The following C8B variants were observed in gnomAD, a reference collection of about 807,000 sequenced individuals.
C8B encodes the protein complement C8 beta chain, also known as complement component C8 beta chain.
Under a neutral mutation model 64.6 loss-of-function variants are expected in C8B, and 67 were observed. That is an observed-to-expected ratio of 1.04 (90% confidence interval 0.85 to 1.27). The LOEUF is 1.27. C8B is among the 50% of genes most tolerant of loss of function. The pLI is 0.00. For missense variants in C8B, 790 were observed against 725.2 expected (o/e 1.09, Z -1.03); for synonymous variants, 284 against 257.7 (o/e 1.10, Z -0.98).
Position 56,940,949 on chromosome 1 carries a change from T to G in C8B, c.1298A>C (p.Glu433Ala), listed in dbSNP as rs1297535859. Residue 433 changes from glutamate to alanine, a missense_variant, in exon 9 of 12, where the codon GAG becomes GCG. Physicochemically the swap from Glu to Ala is moderately radical, Grantham distance 107. Coordinates refer to ENST00000371237, the MANE Select transcript of C8B (RefSeq NM_000066.4). The part of the protein sequence containing the change: ...LVVLVRGGAS[E>A]HITTLAYQEL... Reference sequence around the variant, plus strand: ...CTGGTATGCCAGGGTGGTGATGTGCTCACTTGCCCCTCCTCGTACCAGGAC... The same window carrying G: ...CTGGTATGCCAGGGTGGTGATGTGCGCACTTGCCCCTCCTCGTACCAGGAC... 33 of 1,614,120 alleles carry G rather than the reference T, an allele frequency of 2.0e-5. No homozygotes were observed. Among genetic ancestry groups the G allele is most frequent in the Non-Finnish European group, 2.7e-5 (32 of 1,180,014 alleles).
In C8B at chr1:56,945,997, C is replaced by T. The variant is rs760664100; in HGVS notation, c.929G>A (p.Ser310Asn). Residue 310 changes from serine to asparagine, a missense_variant, in exon 7 of 12, where the codon AGC becomes AAC. Physicochemically the swap from Ser to Asn is conservative, Grantham distance 46. Coordinates refer to ENST00000371237, the MANE Select transcript of C8B (RefSeq NM_000066.4). ...EVAHYKLKPRSLMLHYEFLQR... is the reference protein window; with the variant it reads ...EVAHYKLKPRNLMLHYEFLQR... ...AAGGAACTCGTAATGGAGCATGAGG[C>T]TTCTGGGTTTCAGCTTGTAATGTGC... The T allele has an allele frequency of 1.5e-5, 24 of 1,614,130 alleles. No individual in the cohort carries two copies. Among genetic ancestry groups the T allele is most frequent in the Non-Finnish European group, 1.9e-5 (23 of 1,180,000 alleles).
At chr1:56,939,006 A>G (rs1644813072) in intron 9 of C8B, among the ~76,000 whole-genome samples, 1 of 152,194 alleles carries the variant, frequency 6.6e-6, no homozygotes, top group Non-Finnish European at 1.5e-5. Context: ...TACTCCTGCA[A>G]CACTCCCAAA....
intron 9 of C8B, 131 bp downstream of exon 9, chr1:56,940,718 C>G (rs1644838856): frequency 3.3e-6 from 3 of 918,272 alleles, no homozygotes; most frequent in Non-Finnish European, 5.3e-6. Context: ...ATATTTTCTA[C>G]TATCGTATAT....
rs963090908 is a variant in C8B at position 56,952,193 on chromosome 1, G to C, written c.534-13C>G. ...GAACAAATTTATCCTGTGAGGAAGA[G>C]ACAGAGATGGCGAAGAGGTTAAAGT... On this transcript the variant is annotated splice_polypyrimidine_tract_variant and intron_variant, in intron 4 of 11. Coordinates refer to ENST00000371237, the MANE Select transcript of C8B (RefSeq NM_000066.4). 5.0e-6 allele frequency: 8 copies of C among 1,613,948 alleles called. No individual in the cohort carries two copies. The highest frequency in any genetic ancestry group is 1.1e-5 in the South Asian group (1 of 91,092).
intron 1 of C8B, 105 bp downstream of exon 1, chr1:56,965,752 C>T (rs1217384068): frequency 3.0e-5 from 37 of 1,238,670 alleles, no homozygotes; most frequent in Middle Eastern, 1.9e-4. Flanking sequence ...CCTTAAGAGA[C>T]GTTCCTCATT....
At chr1:56,959,461 T>C in intron 2 of C8B, 1 of 955,152 alleles carries the variant, frequency 1.0e-6, no homozygotes, top group Non-Finnish European at 1.6e-6. Context: ...AAGAGGCAGC[T>C]CCTGAGTAGG....
Position 56,952,153 on chromosome 1 carries a change from C to T in C8B, c.561G>A (p.Glu187=). ...AATACCTGTGATCAAGAACTGGGCCCTCAAAACTGTTTGTGAACAAATTTA... is the reference window on the plus strand; with the variant it reads ...AATACCTGTGATCAAGAACTGGGCCTTCAAAACTGTTTGTGAACAAATTTA... ...SGINLFTNSF[E]GPVLDHRYYA... is the part of the protein sequence containing the mutation. The change falls in exon 5 of 12, where the codon GAG becomes GAA. Residue 187 remains glutamate, a synonymous_variant. Coordinates refer to ENST00000371237, the MANE Select transcript of C8B (RefSeq NM_000066.4). 1.2e-6 allele frequency: 2 copies of T among 1,614,150 alleles called. No individual in the cohort carries two copies. The highest frequency in any genetic ancestry group is 1.3e-5 in the African/African-American group (1 of 75,042).
At position 56,952,049 on chromosome 1, in the gene C8B, T is replaced by A. The variant is rs1216925149; in HGVS notation, c.665A>T (p.Gln222Leu). The A allele has an allele frequency of 2.5e-6, 4 of 1,614,024 alleles. No individual in the cohort carries two copies. The South Asian group carries it at 4.4e-5, about 18-fold the overall frequency. The change falls in exon 5 of 12, where the codon CAG becomes CTG. Residue 222 changes from glutamine to leucine, a missense_variant and splice_region_variant. Gln to Leu is a moderately radical substitution (Grantham distance 113). Transcript: ENST00000371237. ...CACTGCTACCTGGCTGTCTCTTACC[T>A]GTGGCGTGTAGCTTTCCACATTGTA... ...KPYNVESYTP[Q>L]TQGKYEFILK...
intron 9 of C8B, among the ~76,000 whole-genome samples, chr1:56,940,076 T>A (rs991781390): frequency 1.3e-5 from 2 of 152,104 alleles, no homozygotes; most frequent in African/African-American, 4.8e-5. Flanking sequence ...TCCTTGCATT[T>A]TCCTCTATCT....
rs34438223 is a variant in C8B at position 56,952,108 on chromosome 1, C to A, written c.606G>T (p.Pro202=). 4 of 1,614,108 alleles carry A rather than the reference C, an allele frequency of 2.5e-6. No homozygotes were observed. The highest frequency in any genetic ancestry group is 3.4e-6 in the Non-Finnish European group (4 of 1,180,004). ...DHRYYAGGCS[P]HYILNTRFRK... ...TAAACCTCGTGTTCAGGATGTAATG[C>A]GGGGAGCATCCACCTGCATAATACC... Residue 202 remains proline, a synonymous_variant, in exon 5 of 12, where the codon CCG becomes CCT. Coordinates refer to ENST00000371237, the MANE Select transcript of C8B (RefSeq NM_000066.4).
intron 10 of C8B, 84 bp from the exon 11 acceptor site, chr1:56,931,962 T>A (rs551042441): frequency 1.1e-6 from 1 of 932,720 alleles, no homozygotes; most frequent in East Asian, 2.5e-5. Context: ...TCACTGCAGT[T>A]CCATCAGGTT....
At chr1:56,931,752 C>A in intron 11 of C8B, 58 bp downstream of exon 11, 2 of 1,215,832 alleles carry the variant, frequency 1.6e-6, no homozygotes, top group South Asian at 2.4e-5. Context: ...GCTCCTTGCT[C>A]TTCTTCTGGT....
intron 5 of C8B, among the ~76,000 whole-genome samples, chr1:56,951,200 C>T (rs1363647051): frequency 6.6e-6 from 1 of 152,168 alleles, no homozygotes; most frequent in East Asian, 1.9e-4. Flanking sequence ...GCCTCAGCCT[C>T]CCAAGTGGTT....
chr1:56,956,661 C>G, intron 3 of C8B, 108 bp downstream of exon 3: 7 of 1,222,064 alleles, frequency 5.7e-6, no homozygotes, highest in Non-Finnish European at 8.4e-6. Flanking sequence ...GCCTCCTGAG[C>G]TGCCCCATGA....
In C8B at chr1:56,954,784, G is replaced by T; in HGVS notation, c.435C>A (p.Asp145Glu). The change falls in exon 4 of 12, where the codon GAC becomes GAA. Residue 145 changes from aspartate (D) to glutamate (E), a missense_variant. Physicochemically the swap from Asp to Glu is conservative, Grantham distance 45 (BLOSUM62 2). Transcript: ENST00000371237. ...NRRLLCNGDN[D>E]CGDQSDEANC... is the part of the protein sequence containing the mutation. ...TTGCTTCATCTGACTGGTCTCCACAGTCATTGTCCCCATTGCAAAGAAGTC... is the reference window on the plus strand; with the variant it reads ...TTGCTTCATCTGACTGGTCTCCACATTCATTGTCCCCATTGCAAAGAAGTC... 1 of 1,614,124 alleles carries T rather than the reference G, an allele frequency of 6.2e-7. No homozygotes were observed. The highest frequency in any genetic ancestry group is 8.5e-7 in the Non-Finnish European group (1 of 1,180,006).
chr1:56,930,779 A>T (rs935419565), intron 11 of C8B, among the ~76,000 whole-genome samples: 10 of 152,216 alleles, frequency 6.6e-5, no homozygotes, highest in African/African-American at 2.4e-4. Context: ...TAAAGAATTT[A>T]ATATATATAA....
intron 3 of C8B, 47 bp downstream of exon 3, chr1:56,956,722 T>A (rs766218381): frequency 1.2e-6 from 2 of 1,607,526 alleles, no homozygotes; most frequent in Non-Finnish European, 1.7e-6. Flanking sequence ...TCAAGAACCA[T>A]TACCTCATTT....
rs912618370 is a variant in C8B at position 56,965,044 on chromosome 1, C to A, written c.92+813G>T. Among the ~76,000 whole-genome samples, 247 of 152,282 alleles carry A rather than the reference C, an allele frequency of 1.6e-3. 7 individuals are homozygous for A. The highest frequency in any genetic ancestry group is 0.016 in the Admixed American group (244 of 15,298). ...CAGAACTGAGACCAGAGGCTGTGTC[C>A]CATGGGTAGGAGGTACTCCTCACAT... is the stretch of plus-strand genomic sequence containing the variant. On this transcript the variant is annotated intron_variant, in intron 1 of 11. Coordinates refer to ENST00000371237, the MANE Select transcript of C8B (RefSeq NM_000066.4).
chr1:56,956,679 C>A, intron 3 of C8B, 90 bp downstream of exon 3: 3 of 1,460,502 alleles, frequency 2.1e-6, no homozygotes, highest in Non-Finnish European at 2.9e-6. Context: ...TGACCCTGAT[C>A]TTGAGCACTG....
Sources: allele counts gnomAD v4.1 joint callset (sites outside exome capture counted in the v4.1 genomes callset), GRCh38; gene constraint gnomAD v4.1.1; transcripts MANE v1.5; gene names NCBI Gene and HGNC (gene_info 2026-07-23, HGNC 2026-07-21).